The following DLG2 variants were observed in gnomAD, a reference collection of about 807,000 sequenced individuals.
DLG2 encodes the protein discs large MAGUK scaffold protein 2.
DLG2 carries 45 observed loss-of-function variants against 132.5 expected under a neutral mutation model. That is an observed-to-expected ratio of 0.34 (90% confidence interval 0.27 to 0.44). The LOEUF is 0.44. DLG2 is among the 20% of genes least tolerant of loss of function. The pLI is 1.00. For missense variants in DLG2, 1,045 were observed against 1,196.9 expected (o/e 0.87, Z 1.87); for synonymous variants, 424 against 419.6 (o/e 1.01, Z -0.13).
intron 8 of DLG2, among the ~76,000 whole-genome samples, chr11:84,185,896 C>A (rs2154286247): frequency 6.6e-6 from 1 of 152,182 alleles, no homozygotes; most frequent in East Asian, 1.9e-4. Flanking sequence ...TTGGGATTGT[C>A]TTTGTTTCCC....
intron 3 of DLG2, among the ~76,000 whole-genome samples, chr11:85,501,166 G>A (rs1010721266): frequency 6.6e-6 from 1 of 152,144 alleles, no homozygotes; most frequent in Admixed American, 6.5e-5. Context: ...CAAGCAATGG[G>A]GAAAAGATTC....
chr11:83,845,547 T>C (rs2058451616), intron 16 of DLG2, among the ~76,000 whole-genome samples: 1 of 152,212 alleles, frequency 6.6e-6, no homozygotes, highest in African/African-American at 2.4e-5. Context: ...TTTGAGGACA[T>C]GTTATTAAAA....
intron 18 of DLG2, among the ~76,000 whole-genome samples, chr11:83,738,607 G>A (rs565345417): frequency 9.2e-5 from 14 of 152,256 alleles, no homozygotes; most frequent in African/African-American, 3.1e-4. Flanking sequence ...TACAATAAGG[G>A]ACAGAATTCT....
At chr11:84,901,774 A>T (rs2154070949) in intron 6 of DLG2, among the ~76,000 whole-genome samples, 1 of 152,224 alleles carries the variant, frequency 6.6e-6, no homozygotes, top group South Asian at 2.1e-4. Flanking sequence ...ATGAAAATCT[A>T]GTTTGACATC....
chr11:85,155,707 TA>T (rs1436727596), intron 4 of DLG2, among the ~76,000 whole-genome samples: 1 of 151,868 alleles, frequency 6.6e-6, no homozygotes, highest in East Asian at 1.9e-4. Flanking sequence ...CTATCTCTAC[TA>T]AAAATATAAA....
chr11:84,939,510 T>C (rs1207778201), intron 6 of DLG2, among the ~76,000 whole-genome samples: 2 of 152,184 alleles, frequency 1.3e-5, no homozygotes, highest in Non-Finnish European at 2.9e-5. Flanking sequence ...TTTATCTAAC[T>C]ATATTTTTGT....
At chr11:83,741,770 A>C (rs1199873053) in intron 18 of DLG2, among the ~76,000 whole-genome samples, 2 of 152,060 alleles carry the variant, frequency 1.3e-5, no homozygotes, top group African/African-American at 4.8e-5. Context: ...CCACTTTGGG[A>C]GGCCGAGGCA....
chr11:84,988,305 C>T (rs1003644684), intron 6 of DLG2, among the ~76,000 whole-genome samples: 1 of 152,106 alleles, frequency 6.6e-6, no homozygotes, highest in South Asian at 2.1e-4. Context: ...TAAACTAACA[C>T]TACACTATGG....
intron 8 of DLG2, among the ~76,000 whole-genome samples, chr11:84,168,849 A>G (rs1264965814): frequency 1.3e-5 from 2 of 151,580 alleles, no homozygotes; most frequent in Non-Finnish European, 2.9e-5. Context: ...ACACACACAC[A>G]CAAACACACA....
chr11:83,931,075 T>C (rs1354610529), intron 14 of DLG2, among the ~76,000 whole-genome samples: 5 of 152,298 alleles, frequency 3.3e-5, no homozygotes, highest in Middle Eastern at 3.4e-3. Flanking sequence ...TTAACAGATA[T>C]ACTCCTACAA....
rs573422047 is a variant in DLG2, at chr11:85,596,726, G to T, written c.40+1931C>A. Among the ~76,000 whole-genome samples, 5 of 152,192 alleles carry T rather than the reference G, an allele frequency of 3.3e-5. No homozygotes were observed. The East Asian group carries it at 9.7e-4, about 29-fold the overall frequency. ...CATAACAATGCGCTATATTTCAATG[G>T]CTCCCTACCTATCCTTTACAAAGAT... On this transcript the variant is annotated intron_variant, in intron 3 of 27. Transcript: ENST00000376104.
chr11:85,162,040 T>C (rs1263888447), intron 4 of DLG2, among the ~76,000 whole-genome samples: 2 of 152,144 alleles, frequency 1.3e-5, no homozygotes, highest in South Asian at 2.1e-4. Flanking sequence ...TGACAAACTC[T>C]GCCACCAGGA....
intron 4 of DLG2, among the ~76,000 whole-genome samples, chr11:85,183,806 C>G (rs1289170731): frequency 2.0e-5 from 3 of 151,890 alleles, no homozygotes; most frequent in East Asian, 3.9e-4. Context: ...ATTATCTTAG[C>G]TGGAACTCCA....
intron 6 of DLG2, among the ~76,000 whole-genome samples, chr11:84,586,096 A>G (rs1487972028): frequency 3.4e-5 from 5 of 145,172 alleles, no homozygotes; most frequent in Admixed American, 3.4e-4. Flanking sequence ...GGTTGCAGTG[A>G]GCCAAGATCG....
intron 7 of DLG2, among the ~76,000 whole-genome samples, chr11:84,513,744 G>A (rs2099263939): frequency 6.6e-6 from 1 of 150,558 alleles, no homozygotes; most frequent in Admixed American, 6.6e-5. Context: ...AGAAAACATT[G>A]AAAAAAACCA....
chr11:83,542,889 A>C (rs931313074), intron 19 of DLG2, among the ~76,000 whole-genome samples: 2 of 152,182 alleles, frequency 1.3e-5, no homozygotes, highest in African/African-American at 4.8e-5. Flanking sequence ...TCATTCTAAG[A>C]ATTTCCTTAG....
chr11:84,313,701 A>G (rs1163378546), intron 7 of DLG2, among the ~76,000 whole-genome samples: 1 of 125,080 alleles, frequency 8.0e-6, no homozygotes, highest in East Asian at 2.4e-4. Flanking sequence ...GAAAGAGGAT[A>G]CGAAAGGAAA....
chr11:84,411,828 T>C (rs1042541197), intron 7 of DLG2, among the ~76,000 whole-genome samples: 4 of 152,216 alleles, frequency 2.6e-5, no homozygotes, highest in Non-Finnish European at 5.9e-5. Flanking sequence ...TTACAAATCC[T>C]AGAAAATAAA....
chr11:83,972,992 G>GTGAT (rs1242124565), intron 12 of DLG2, among the ~76,000 whole-genome samples: 1 of 152,076 alleles, frequency 6.6e-6, no homozygotes, highest in Non-Finnish European at 1.5e-5. Context: ...GCAAGCAAGA[G>GTGAT]TGATTGTTTT....
Sources: allele counts gnomAD v4.1 joint callset (sites outside exome capture counted in the v4.1 genomes callset), GRCh38; gene constraint gnomAD v4.1.1; transcripts MANE v1.5; gene names NCBI Gene and HGNC (gene_info 2026-07-23, HGNC 2026-07-21).